The following CWF19L1 variants were observed in gnomAD, a reference collection of about 807,000 sequenced individuals.
The protein encoded by CWF19L1 is CWF19-like protein 1.
CWF19L1 carries 60 observed loss-of-function variants against 69.7 expected under a neutral mutation model. The ratio of observed to expected loss-of-function variants is 0.86; its 90% confidence interval spans 0.70 to 1.07. CWF19L1 has a LOEUF of 1.07. Among genes scored for constraint, CWF19L1 ranks in the 50% least tolerant of loss-of-function variants. The pLI, the probability that CWF19L1 is intolerant of heterozygous loss-of-function variation, is 0.00. For missense variants in CWF19L1, 591 were observed against 638.9 expected (o/e 0.92, Z 0.81); for synonymous variants, 209 against 222.2 (o/e 0.94, Z 0.53).
rs572820295 is a variant in CWF19L1 at position 100,244,419 on chromosome 10, G to A, written c.965-642C>T. ...CGCCTAGGGTGGAGTACAGTGGCGC[G>A]ATCTCGGCTCACTGCAAGCTCCGCC... is the stretch of plus-strand genomic sequence containing the variant. On this transcript the variant is annotated intron_variant, in intron 9 of 13. Coordinates refer to ENST00000354105, the MANE Select transcript of CWF19L1 (RefSeq NM_018294.6). Among the ~76,000 whole-genome samples the A allele has an allele frequency of 9.3e-4, 141 of 152,234 alleles. 1 individual carries two copies. Among genetic ancestry groups the A allele is most frequent in the African/African-American group, 3.1e-3 (127 of 41,540 alleles).
chr10:100,241,969 T>C (rs1240679374), intron 10 of CWF19L1, among the ~76,000 whole-genome samples: 1 of 152,158 alleles, frequency 6.6e-6, no homozygotes, highest in African/African-American at 2.4e-5. Flanking sequence ...GTGTTAAAAA[T>C]TAAGTTTTCT....
At chr10:100,257,483 A>G (rs1320841066) in intron 4 of CWF19L1, among the ~76,000 whole-genome samples, 3 of 151,802 alleles carry the variant, frequency 2.0e-5, no homozygotes, top group Admixed American at 6.6e-5. Context: ...TATTTTTAGT[A>G]GAGATGGGGT....
intron 1 of CWF19L1, chr10:100,262,332 T>C (rs1304871244): frequency 7.1e-6 from 7 of 985,342 alleles, no homozygotes; most frequent in African/African-American, 7.0e-5. Context: ...GACATGTCTA[T>C]GGCTGACATG....
intron 1 of CWF19L1, among the ~76,000 whole-genome samples, chr10:100,263,677 C>T (rs1225223267): frequency 6.6e-6 from 1 of 152,144 alleles, no homozygotes. Flanking sequence ...CTCATCTGGG[C>T]CCTTTTCCAC....
rs529460276 is a variant in CWF19L1, at chr10:100,248,887, A to G, written c.708+1361T>C. 2.1e-4 allele frequency: 207 copies of G among 992,834 alleles called. 1 individual carries two copies. Among genetic ancestry groups the G allele is most frequent in the East Asian group, 4.8e-4 (20 of 41,752 alleles). The allele number at this position is 992,834 out of a possible 1,614,324, so 61.5% of individuals were successfully genotyped here. On this transcript the variant is annotated intron_variant, in intron 7 of 13. Transcript: ENST00000354105. ...GGCTGAGCAGCAGAAAAAGGCAGCC[A>G]TCATCTCTGCTGAGGGCGATTCCAA...
intron 5 of CWF19L1, among the ~76,000 whole-genome samples, chr10:100,255,697 A>C (rs1847186750): frequency 6.8e-6 from 1 of 147,600 alleles, no homozygotes; most frequent in South Asian, 2.1e-4. Flanking sequence ...CAGGAGGCAG[A>C]GGTTGTGGTG....
chr10:100,236,930 T>C lies in CWF19L1; in HGVS notation c.1294A>G (p.Ile432Val), dbSNP rs1846459117. ...GCCTGGGTAATGAAGGCATCTTTAATGTCATCAGTAGTAGAGCAGCTGATT... is the reference window on the plus strand; with the variant it reads ...GCCTGGGTAATGAAGGCATCTTTAACGTCATCAGTAGTAGAGCAGCTGATT... ...VPISCSTTDDIKDAFITQAQE... is the reference protein window; with the variant it reads ...VPISCSTTDDVKDAFITQAQE... The change falls in exon 12 of 14, where the codon ATT becomes GTT. Residue 432 changes from isoleucine to valine, a missense_variant. Ile to Val is a conservative substitution (Grantham distance 29, BLOSUM62 3). This residue lies in a region of CWF19L1 where 458 missense variants were observed against 489.3 expected (regional missense o/e 0.94). Coordinates refer to ENST00000354105, the MANE Select transcript of CWF19L1 (RefSeq NM_018294.6). The C allele has an allele frequency of 6.2e-7, 1 of 1,611,458 alleles. No individual in the cohort carries two copies. The highest frequency in any genetic ancestry group is 8.5e-7 in the Non-Finnish European group (1 of 1,178,766).
chr10:100,235,535 C>G (rs990395637), intron 13 of CWF19L1, 132 bp downstream of exon 13: 2 of 606,132 alleles, frequency 3.3e-6, no homozygotes, highest in Non-Finnish European at 5.8e-6. Flanking sequence ...ATGTAAACAT[C>G]TGCCCTAAGA....
intron 2 of CWF19L1, 64 bp downstream of exon 2, chr10:100,261,915 C>A (rs780760016): frequency 6.0e-5 from 86 of 1,433,522 alleles, no homozygotes; most frequent in Non-Finnish European, 8.1e-5. Context: ...TAAAGGAGTG[C>A]AAACTTTATT....
At chr10:100,261,848 C>T (rs537731737) in intron 2 of CWF19L1, 131 bp downstream of exon 2, 2 of 679,110 alleles carry the variant, frequency 2.9e-6, no homozygotes, top group Non-Finnish European at 4.9e-6. Context: ...CTACTAAGTT[C>T]CTATGCTCAT....
intron 13 of CWF19L1, 85 bp from the exon 14 acceptor site, chr10:100,233,456 C>T: frequency 7.0e-7 from 1 of 1,438,754 alleles, no homozygotes; most frequent in Non-Finnish European, 9.4e-7. Flanking sequence ...ATGCAAATTT[C>T]TCTGACTTTG....
chr10:100,256,951 G>A lies in CWF19L1; in HGVS notation c.290-475C>T, dbSNP rs113864666. Among the ~76,000 whole-genome samples the A allele has an allele frequency of 2.7e-3, 408 of 152,276 alleles. 3 individuals carry two copies. Among genetic ancestry groups the A allele is most frequent in the African/African-American group, 8.5e-3 (354 of 41,558 alleles). Reference sequence around the variant, plus strand: ...CAAAAAATTAGCCAGGCATGGCAGCGTGTGCCTGTAGTCCCAGCTACTTGG... The same window carrying A: ...CAAAAAATTAGCCAGGCATGGCAGCATGTGCCTGTAGTCCCAGCTACTTGG... On this transcript the variant is annotated intron_variant, in intron 4 of 13. Coordinates refer to ENST00000354105, the MANE Select transcript of CWF19L1 (RefSeq NM_018294.6).
intron 2 of CWF19L1, 68 bp from the exon 3 acceptor site, chr10:100,261,112 T>C: frequency 1.0e-6 from 1 of 981,878 alleles, no homozygotes; most frequent in Non-Finnish European, 1.6e-6. Context: ...TTGATAGTAA[T>C]ATTCAACTAG....
intron 7 of CWF19L1, 155 bp downstream of exon 7, chr10:100,250,093 A>C (rs2134299141): frequency 1.5e-6 from 1 of 653,674 alleles, no homozygotes; most frequent in Non-Finnish European, 2.7e-6. Flanking sequence ...AAGAGACTTG[A>C]CCTTTCATTA....
Position 100,248,211 on chromosome 10 carries a change from TG to T in CWF19L1, c.709-1277del, listed in dbSNP as rs572513751. ...AGCTGAAAATAGGCTGGGGAATTTA[TG>T]TGGAGGTCAGAGTGGAAGCAGGTAT... On this transcript the variant is annotated intron_variant, in intron 7 of 13. Transcript: ENST00000354105. The T allele has an allele frequency of 9.8e-4, 701 of 714,690 alleles. 6 individuals are homozygous for T. In the Admixed American group the frequency reaches 0.014, roughly 14 times the overall value. The allele number at this position is 714,690 out of a possible 1,614,324, so 44.3% of individuals were successfully genotyped here.
intron 1 of CWF19L1, 157 bp from the exon 2 acceptor site, chr10:100,262,220 C>T (rs1847427163): frequency 1.0e-6 from 1 of 985,434 alleles, no homozygotes; most frequent in Non-Finnish European, 1.2e-6. Flanking sequence ...GGCAGATCCA[C>T]TGAGGGTCTC....
chr10:100,238,276 G>C lies in CWF19L1; in HGVS notation c.1045-45C>G, dbSNP rs577068356. The C allele has an allele frequency of 1.0e-5, 16 of 1,568,028 alleles. No homozygotes were observed. In the East Asian group the frequency reaches 1.1e-4, roughly 11 times the overall value. ...AATTGAGACATCAATACAGCATGTA[G>C]GATTCTCCAGGGAGAAAAACCTATA... On this transcript the variant is annotated intron_variant, in intron 10 of 13. Coordinates refer to ENST00000354105, the MANE Select transcript of CWF19L1 (RefSeq NM_018294.6).
chr10:100,240,159 C>G (rs1356736309), intron 10 of CWF19L1, among the ~76,000 whole-genome samples: 1 of 152,150 alleles, frequency 6.6e-6, no homozygotes, highest in Non-Finnish European at 1.5e-5. Context: ...AGAATTATCT[C>G]TAACCATGTG....
At chr10:100,246,087 C>G in intron 8 of CWF19L1, 174 bp from the exon 9 acceptor site, 1 of 557,404 alleles carries the variant, frequency 1.8e-6, no homozygotes, top group Non-Finnish European at 3.2e-6. Flanking sequence ...CCTGAAGTCT[C>G]AGTCATACAT....
Sources: allele counts gnomAD v4.1 joint callset (sites outside exome capture counted in the v4.1 genomes callset), GRCh38; gene constraint gnomAD v4.1.1; regional missense constraint gnomAD v4.1.1; transcripts MANE v1.5; gene names NCBI Gene and HGNC (gene_info 2026-07-23, HGNC 2026-07-21).